LTBP1: variants seen among roughly 807,000 people sequenced by gnomAD.
LTBP1 encodes the protein latent-transforming growth factor beta-binding protein 1.
A neutral mutation model predicts 207.6 loss-of-function variants in LTBP1; 129 were observed. The ratio of observed to expected loss-of-function variants is 0.62; its 90% CI spans 0.54 to 0.72. The LOEUF (loss-of-function observed/expected upper bound fraction) is 0.72. Ranked by LOEUF, LTBP1 falls within the 30% of genes least tolerant of loss-of-function variation. LTBP1 has a pLI of 0.00. For synonymous variants in LTBP1, 963 were observed against 833.7 expected, an observed-to-expected ratio of 1.16 and a Z score of -2.67; for missense variants, 2,281 against 2,217.2, an observed-to-expected ratio of 1.03 and a Z score of -0.58.
chr2:33,029,723 C>T (rs943294639), intron 3 of LTBP1, among the ~76,000 whole-genome samples: 5 of 152,170 alleles, frequency 3.3e-5, no homozygotes, highest in Admixed American at 6.5e-5. Flanking sequence ...ATGTCAGTGT[C>T]TGACTCCGCT....
intron 5 of LTBP1, among the ~76,000 whole-genome samples, chr2:33,183,891 A>G (rs1194629637): frequency 6.6e-6 from 1 of 152,168 alleles, no homozygotes; most frequent in Admixed American, 6.5e-5. Flanking sequence ...CCCATCCAGC[A>G]TGGGGAGTTT....
At chr2:33,048,735 A>T (rs2076575056) in intron 3 of LTBP1, among the ~76,000 whole-genome samples, 1 of 152,170 alleles carries the variant, frequency 6.6e-6, no homozygotes, top group Non-Finnish European at 1.5e-5. Flanking sequence ...TTCAGAGAGG[A>T]TTATCTCTAC....
At chr2:33,388,323 G>A (rs1368533671) in intron 31 of LTBP1, among the ~76,000 whole-genome samples, 1 of 152,172 alleles carries the variant, frequency 6.6e-6, no homozygotes, top group Non-Finnish European at 1.5e-5. Context: ...GGGGTACAGA[G>A]ATGGTAAGGA....
chr2:33,073,750 C>G (rs923385830), intron 3 of LTBP1, among the ~76,000 whole-genome samples: 2 of 152,112 alleles, frequency 1.3e-5, no homozygotes, highest in African/African-American at 4.8e-5. Flanking sequence ...CCTCAGCTTC[C>G]TGAGTAGCTG....
intron 2 of LTBP1, among the ~76,000 whole-genome samples, chr2:32,982,803 A>G (rs219141): frequency 0.23 from 34,779 of 152,162 alleles, 4,834 homozygotes; most frequent in Non-Finnish European, 0.32. Flanking sequence ...GAGGTTTGGG[A>G]ACCTCCGCCT....
At chr2:33,393,462 C>T (rs1294733427) in intron 32 of LTBP1, among the ~76,000 whole-genome samples, 2 of 139,356 alleles carry the variant, frequency 1.4e-5, no homozygotes, top group Non-Finnish European at 3.1e-5. Flanking sequence ...CCGCGAAAGG[C>T]CCTGGTGTGT....
intron 25 of LTBP1, 22 bp from the exon 26 acceptor site, chr2:33,347,345 T>C (rs746892851): frequency 5.6e-5 from 91 of 1,613,864 alleles, no homozygotes; most frequent in Non-Finnish European, 7.6e-5. Flanking sequence ...ACATCTCACT[T>C]GGTCTGTGCT....
intron 10 of LTBP1, among the ~76,000 whole-genome samples, chr2:33,246,463 TCACA>T (rs1363324896): frequency 6.7e-5 from 10 of 148,898 alleles, no homozygotes; most frequent in Non-Finnish European, 1.0e-4. Flanking sequence ...GGACTGGAGA[TCACA>T]CACACGCACA....
chr2:32,983,941 T>C (rs527398323), intron 2 of LTBP1, among the ~76,000 whole-genome samples: 1 of 152,368 alleles, frequency 6.6e-6, no homozygotes, highest in Non-Finnish European at 1.5e-5. Flanking sequence ...TTAAGTTAGA[T>C]CTTTGGAACA....
chr2:32,952,692 G>A (rs1436272446), intron 2 of LTBP1, among the ~76,000 whole-genome samples: 1 of 152,032 alleles, frequency 6.6e-6, no homozygotes, highest in Non-Finnish European at 1.5e-5. Flanking sequence ...CCCTGCATTG[G>A]TTCTGCCAGT....
rs572183277 is a variant in LTBP1 at position 33,337,697 on chromosome 2, A to G, written c.3731-5141A>G. Among the ~76,000 whole-genome samples the G allele has an allele frequency of 3.3e-5, 5 of 152,338 alleles. No individual in the cohort carries two copies. In the South Asian group the frequency reaches 8.3e-4, roughly 25 times the overall value. ...GATAGTATTACCAATGATATCATGCATGGCCCTTACAGATCACTAAGCAAA... is the reference window on the plus strand; with the variant it reads ...GATAGTATTACCAATGATATCATGCGTGGCCCTTACAGATCACTAAGCAAA... On this transcript the variant is annotated intron_variant, in intron 24 of 33. Transcript: ENST00000404816.
chr2:33,142,491 AGGAGGAC>A (rs2082710621), intron 5 of LTBP1, among the ~76,000 whole-genome samples: 1 of 152,044 alleles, frequency 6.6e-6, no homozygotes, highest in Non-Finnish European at 1.5e-5. Flanking sequence ...GGCAGAGGGC[AGGAGGAC>A]CCTGGGTAGA....
chr2:33,216,967 C>G (rs530428731), intron 7 of LTBP1, among the ~76,000 whole-genome samples: 1 of 152,192 alleles, frequency 6.6e-6, no homozygotes, highest in South Asian at 2.1e-4. Context: ...CCTAGCTTGG[C>G]TGACCTCCCT....
intron 2 of LTBP1, among the ~76,000 whole-genome samples, chr2:33,012,055 A>T (rs1687744397): frequency 6.6e-6 from 1 of 152,068 alleles, no homozygotes; most frequent in East Asian, 1.9e-4. Context: ...GACTGGTAAT[A>T]GTTATAATTA....
intron 19 of LTBP1, among the ~76,000 whole-genome samples, chr2:33,280,412 A>G (rs949859169): frequency 6.6e-6 from 1 of 152,234 alleles, no homozygotes; most frequent in Non-Finnish European, 1.5e-5. Context: ...ATAAATATCC[A>G]AAACCAAATA....
chr2:33,208,211 C>T (rs930350971), intron 7 of LTBP1, among the ~76,000 whole-genome samples: 1 of 152,168 alleles, frequency 6.6e-6, no homozygotes, highest in African/African-American at 2.4e-5. Flanking sequence ...ATGGCACCTG[C>T]ATGGGTGGAA....
At chr2:33,164,175 C>G (rs1052037001) in intron 5 of LTBP1, among the ~76,000 whole-genome samples, 1 of 151,106 alleles carries the variant, frequency 6.6e-6, no homozygotes, top group Non-Finnish European at 1.5e-5. Flanking sequence ...ATGGTGAAAC[C>G]CCGTCTCTAC....
At chr2:33,389,774 G>A (rs2150584731) in intron 32 of LTBP1, among the ~76,000 whole-genome samples, 1 of 152,252 alleles carries the variant, frequency 6.6e-6, no homozygotes. Flanking sequence ...CAAGTAGCTG[G>A]GATTGCAGGC....
chr2:33,129,967 A>G (rs1305535612), intron 4 of LTBP1, among the ~76,000 whole-genome samples: 1 of 152,142 alleles, frequency 6.6e-6, no homozygotes, highest in Non-Finnish European at 1.5e-5. Flanking sequence ...GAAGTAATAG[A>G]TTTGATATTA....
Sources: gnomAD v4.1 joint callset for allele counts (sites outside exome capture counted in the v4.1 genomes callset) on GRCh38, gnomAD v4.1.1 for gene constraint, MANE v1.5 for transcripts, NCBI Gene and HGNC (gene_info 2026-07-23, HGNC 2026-07-21) for gene names.